Variants in PCF11 observed in about 807,000 individuals in gnomAD.
PCF11 encodes pre-mRNA cleavage complex 2 protein Pcf11.
PCF11 carries 19 observed loss-of-function variants against 166.1 expected under a neutral mutation model. The ratio of observed to expected loss-of-function variants is 0.11; its 90% CI spans 0.08 to 0.17. The LOEUF (loss-of-function observed/expected upper bound fraction) is 0.17, where lower values mean the gene tolerates loss of function less well. Among genes scored for constraint, PCF11 ranks in the 10% least tolerant of loss-of-function variants. PCF11 has a pLI of 1.00. For synonymous variants in PCF11, 663 were observed against 644.1 expected, an observed-to-expected ratio of 1.03 and a Z score of -0.44; for missense variants, 1,565 against 1,855.5, an observed-to-expected ratio of 0.84 and a Z score of 2.88.
chr11:83,187,065 A>G (rs1258909869), exon 16 of PCF11: 1 of 152,118 alleles, frequency 6.6e-6, no homozygotes, highest in Non-Finnish European at 1.5e-5. Context: ...CAGTCTTGCT[A>G]TGTTGCTCAG....
exon 5 of PCF11, chr11:83,166,031 A>G (rs1196661367): frequency 1.9e-6 from 3 of 1,602,398 alleles, no homozygotes; most frequent in African/African-American, 1.4e-5. Flanking sequence ...AAAACAAATT[A>G]TCTCACACAA....
At chr11:83,170,933 T>TA (rs1433713558) in intron 8 of PCF11, among the ~76,000 whole-genome samples, 1 of 152,230 alleles carries the variant, frequency 6.6e-6, no homozygotes, top group Non-Finnish European at 1.5e-5. Context: ...CTCTACTGTA[T>TA]ATCCTTGAAA....
chr11:83,167,781 G>T lies in PCF11; in HGVS notation c.2092+276G>T. 2.1e-6 allele frequency: 3 copies of T among 1,401,644 alleles called. No homozygotes were observed. Among genetic ancestry groups the T allele is most frequent in the Non-Finnish European group, 2.8e-6 (3 of 1,062,520 alleles). 86.8% of individuals were successfully genotyped at this position (1,401,644 alleles called of 1,614,324 possible). Reference sequence around the variant, plus strand: ...TAGTGGAGCACAGTTTGACAGAAAAGAACAATTTAGTGAAAGAGCAAGACG... The same window carrying T: ...TAGTGGAGCACAGTTTGACAGAAAATAACAATTTAGTGAAAGAGCAAGACG... On this transcript the variant is annotated intron_variant, in intron 7 of 15. Coordinates refer to ENST00000298281, the Ensembl canonical transcript of PCF11. This position sits in a 1 kb window ranked among gnomAD's most constrained non-coding sequence, Gnocchi z 4.2.
At chr11:83,165,521 ATCT>A (rs1860416143) in intron 4 of PCF11, 76 bp from the exon 5 acceptor site, 17 of 1,018,862 alleles carry the variant, frequency 1.7e-5, no homozygotes, top group Non-Finnish European at 2.4e-5. Context: ...ATAAAGCATT[ATCT>A]TCTTCAGTTG....
In PCF11 at chr11:83,167,992, C is replaced by A; in HGVS notation, c.2093-436C>A. On this transcript the variant is annotated intron_variant, in intron 7 of 15. Coordinates refer to ENST00000298281, the Ensembl canonical transcript of PCF11. The surrounding 1 kb of genome is among the most constrained non-coding windows in gnomAD (Gnocchi z 4.2). ...GTGGGGATGGATTTTTGTGACTGTT[C>A]AGATTACCATTTTTTTTCCCATTTA... 1.1e-6 allele frequency: 1 copy of A among 949,452 alleles called. No homozygotes were observed. The highest frequency in any genetic ancestry group is 1.4e-6 in the Non-Finnish European group (1 of 721,022). 58.8% of individuals were successfully genotyped at this position (949,452 alleles called of 1,614,324 possible).
chr11:83,180,303 G>A (rs1244596513), intron 11 of PCF11: 1 of 151,606 alleles, frequency 6.6e-6, no homozygotes, highest in Non-Finnish European at 1.5e-5. Flanking sequence ...GGTCAGGTTG[G>A]TCTTGAGCTC....
At chr11:83,165,979 A>G (rs1330153661) in exon 5 of PCF11, 3 of 1,598,778 alleles carry the variant, frequency 1.9e-6, no homozygotes, top group East Asian at 4.5e-5. Flanking sequence ...GACCAATTAG[A>G]TTCTAAATCG....
chr11:83,178,788 G>C (rs1278132542), intron 11 of PCF11, among the ~76,000 whole-genome samples: 1 of 151,512 alleles, frequency 6.6e-6, no homozygotes, highest in African/African-American at 2.4e-5. Flanking sequence ...ACTCCAGCCT[G>C]GGCGAAAGAG....
intron 8 of PCF11, chr11:83,171,112 A>T: frequency 3.1e-6 from 1 of 319,842 alleles, no homozygotes; most frequent in Non-Finnish European, 6.2e-6. Flanking sequence ...AGCAATATGT[A>T]GAAGTCCTGC....
chr11:83,166,309 C>T, exon 5 of PCF11: 2 of 1,613,554 alleles, frequency 1.2e-6, no homozygotes, highest in Non-Finnish European at 1.7e-6. Context: ...GGGACAAAAC[C>T]AGGGAGATCG....
chr11:83,185,915 T>A (rs1565166347), exon 16 of PCF11: 1 of 152,662 alleles, frequency 6.6e-6, no homozygotes, highest in Non-Finnish European at 1.5e-5. Flanking sequence ...TGAGACAGGT[T>A]AGTCTTTTCT....
At position 83,182,084 on chromosome 11, in the gene PCF11, A is replaced by G. The variant is rs906758472; in HGVS notation, c.4323+75A>G. The G allele has an allele frequency of 3.5e-6, 4 of 1,146,090 alleles. No individual in the cohort carries two copies. The African/African-American group carries it at 4.8e-5, about 14-fold the overall frequency. The allele number at this position is 1,146,090 out of a possible 1,614,324, so 71.0% of individuals were successfully genotyped here. On this transcript the variant is annotated intron_variant, in intron 13 of 15. Transcript: ENST00000298281. ...CCTTTATGTAAATACTCATAAACAC[A>G]TCACTATATTTATATCCCTGTTTTA...
intron 1 of PCF11, chr11:83,158,879 G>T (rs925102232): frequency 6.6e-6 from 1 of 152,156 alleles, no homozygotes; most frequent in Non-Finnish European, 1.5e-5. Context: ...TATAAAATAT[G>T]TATTTGTCTT....
intron 11 of PCF11, 109 bp from the exon 12 acceptor site, chr11:83,180,899 C>T: frequency 1.7e-6 from 1 of 584,262 alleles, no homozygotes; most frequent in Non-Finnish European, 3.0e-6. Flanking sequence ...TCAGCCAGCT[C>T]TTGGTTTCAC....
chr11:83,182,879 TA>T (rs1861130796), intron 14 of PCF11, among the ~76,000 whole-genome samples, 158 bp from the exon 15 acceptor site: 1 of 152,264 alleles, frequency 6.6e-6, no homozygotes, highest in Non-Finnish European at 1.5e-5. Flanking sequence ...TCAGACTCTT[TA>T]AGCATAAGGA....
At chr11:83,168,864 A>C in exon 8 of PCF11, 1 of 1,611,964 alleles carries the variant, frequency 6.2e-7, no homozygotes, top group Non-Finnish European at 8.5e-7. Context: ...AAGCAGGAGG[A>C]GGTGGTTTTC....
At chr11:83,169,820 C>T (rs1217239854) in exon 8 of PCF11, 9 of 1,613,440 alleles carry the variant, frequency 5.6e-6, no homozygotes, top group Non-Finnish European at 6.8e-6. Context: ...TTTGATTCAC[C>T]TCAAGGACCA....
exon 16 of PCF11, chr11:83,184,927 A>G: frequency 7.0e-7 from 1 of 1,429,584 alleles, no homozygotes; most frequent in South Asian, 1.4e-5. Context: ...TTCTTTTTTA[A>G]AAAAGCTGCT....
intron 9 of PCF11, among the ~76,000 whole-genome samples, chr11:83,173,841 C>CAGTAGCT (rs1227489476): frequency 1.3e-5 from 2 of 149,542 alleles, no homozygotes; most frequent in African/African-American, 4.9e-5. Context: ...GCAGTTCTCC[C>CAGTAGCT]GGGCTCAGCC....
Sources: gnomAD v4.1 joint callset for allele counts (sites outside exome capture counted in the v4.1 genomes callset) on GRCh38, gnomAD v4.1.1 for gene constraint, Gnocchi (gnomAD v3.1) non-coding constraint, MANE v1.5 for transcripts, NCBI Gene and HGNC (gene_info 2026-07-23, HGNC 2026-07-21) for gene names.